Variants in RBFOX1 observed in about 807,000 individuals in gnomAD.
RBFOX1 encodes the protein RNA binding protein fox-1 homolog 1.
Under a neutral mutation model 57.7 loss-of-function variants are expected in RBFOX1, and 8 were observed. The ratio of observed to expected loss-of-function variants is 0.14; its 90% CI spans 0.08 to 0.25. RBFOX1 has a LOEUF of 0.25. RBFOX1 is among the 10% of genes least tolerant of loss of function. The pLI is 1.00. For missense variants in RBFOX1, 611 were observed against 548.5 expected (o/e 1.11, Z -1.14); for synonymous variants, 326 against 222.4 (o/e 1.47, Z -4.15).
At chr16:5,570,422 C>T (rs1285749264) in intron 2 of RBFOX1, among the ~76,000 whole-genome samples, 6 of 152,160 alleles carry the variant, frequency 3.9e-5, no homozygotes, top group African/African-American at 1.4e-4. Flanking sequence ...TAGGACCTGA[C>T]AGTCCTTAGA....
At chr16:7,494,539 A>T (rs935374703) in intron 4 of RBFOX1, among the ~76,000 whole-genome samples, 1 of 152,202 alleles carries the variant, frequency 6.6e-6, no homozygotes, top group Non-Finnish European at 1.5e-5. Flanking sequence ...TAACAGCAAT[A>T]ATAGCACAGA....
chr16:7,045,951 C>G (rs1175597596), intron 3 of RBFOX1, among the ~76,000 whole-genome samples: 10 of 152,164 alleles, frequency 6.6e-5, no homozygotes, highest in Non-Finnish European at 4.4e-5. Flanking sequence ...AGCCACCATG[C>G]CCGGCCAAGA....
chr16:6,076,299 C>G (rs1597053238), intron 1 of RBFOX1, among the ~76,000 whole-genome samples: 1 of 144,222 alleles, frequency 6.9e-6, no homozygotes, highest in African/African-American at 2.6e-5. Flanking sequence ...AACTCTGTCT[C>G]AAAAAAAAAA....
At chr16:6,555,187 G>T (rs900348161) in intron 2 of RBFOX1, among the ~76,000 whole-genome samples, 2 of 152,152 alleles carry the variant, frequency 1.3e-5, no homozygotes, top group African/African-American at 4.8e-5. Context: ...AAAATCAGGA[G>T]TCCTAGACCA....
chr16:6,264,416 C>G lies in RBFOX1; in HGVS notation c.-126-52579C>G, dbSNP rs201592427. ...AATAGTCATTGCATTATACTGTTCT[C>G]TTGTTGGAAACCCGTCAAATAGTCT... On this transcript the variant is annotated intron_variant, in intron 1 of 15. Transcript: ENST00000550418. 3.3e-5 allele frequency among the ~76,000 whole-genome samples: 5 copies of G among 152,190 alleles called. No individual in the cohort carries two copies. In the East Asian group the frequency reaches 9.6e-4, roughly 29 times the overall value.
chr16:7,610,118 C>CTTTTGTTTTTTTTT (rs2057156267), intron 10 of RBFOX1, among the ~76,000 whole-genome samples: 1 of 65,622 alleles, frequency 1.5e-5, no homozygotes, highest in African/African-American at 8.0e-5. Flanking sequence ...GCCCGGCCCC[C>CTTTTGTTTTTTTTT]TTTTTTTTTT....
intron 4 of RBFOX1, among the ~76,000 whole-genome samples, chr16:7,427,171 G>A (rs76465169): frequency 1.3e-5 from 2 of 152,132 alleles, no homozygotes; most frequent in Non-Finnish European, 2.9e-5. Context: ...TGTAAATGAC[G>A]AGTTAATGGG....
chr16:6,245,963 T>C lies in RBFOX1; in HGVS notation c.-126-71032T>C, dbSNP rs142083868. Among the ~76,000 whole-genome samples the C allele has an allele frequency of 1.2e-3, 184 of 152,300 alleles. 2 individuals are homozygous for C. The highest frequency in any genetic ancestry group is 3.4e-3 in the Middle Eastern group (1 of 294). ...AAACTATTTCAGTCAAAATATGCAGTTTACTTTTCCCTCTCTTTTTTCTAA... is the reference window on the plus strand; with the variant it reads ...AAACTATTTCAGTCAAAATATGCAGCTTACTTTTCCCTCTCTTTTTTCTAA... On this transcript the variant is annotated intron_variant, in intron 1 of 15. Transcript: ENST00000550418.
chr16:6,307,574 A>G (rs1218745733), intron 1 of RBFOX1, among the ~76,000 whole-genome samples: 1 of 148,678 alleles, frequency 6.7e-6, no homozygotes, highest in East Asian at 1.9e-4. Context: ...TTAATAATAT[A>G]TAATAGAGAA....
intron 1 of RBFOX1, among the ~76,000 whole-genome samples, chr16:6,068,750 G>C (rs934881901): frequency 6.6e-6 from 1 of 152,206 alleles, no homozygotes; most frequent in Admixed American, 6.5e-5. Context: ...CTTACAGGTA[G>C]ACATATAGCT....
chr16:7,454,270 T>A (rs2058027944), intron 4 of RBFOX1, among the ~76,000 whole-genome samples: 1 of 152,066 alleles, frequency 6.6e-6, no homozygotes, highest in Non-Finnish European at 1.5e-5. Context: ...GCCAATGTCT[T>A]CCCAGGAAGT....
intron 2 of RBFOX1, among the ~76,000 whole-genome samples, chr16:6,472,417 A>C (rs1031790720): frequency 1.3e-5 from 2 of 152,088 alleles, no homozygotes; most frequent in Admixed American, 1.3e-4. Context: ...AGCATGTGAG[A>C]TGTTGACCCT....
chr16:6,727,987 C>G (rs567575975), intron 3 of RBFOX1, among the ~76,000 whole-genome samples: 2 of 152,230 alleles, frequency 1.3e-5, no homozygotes, highest in African/African-American at 4.8e-5. Flanking sequence ...TTTAAATTCC[C>G]TATCTGTAAA....
intron 2 of RBFOX1, among the ~76,000 whole-genome samples, chr16:6,473,259 G>A (rs2095218702): frequency 6.6e-6 from 1 of 152,110 alleles, no homozygotes; most frequent in Admixed American, 6.6e-5. Flanking sequence ...GAGGCTTTTT[G>A]TTGGCAGGGT....
intron 1 of RBFOX1, among the ~76,000 whole-genome samples, chr16:5,329,795 C>T (rs551581205): frequency 6.8e-4 from 104 of 152,142 alleles, no homozygotes; most frequent in Non-Finnish European, 9.4e-4. Context: ...GTCAGGAGAT[C>T]GAGACCATCC....
intron 3 of RBFOX1, among the ~76,000 whole-genome samples, chr16:6,999,819 C>G (rs147163505): frequency 1.3e-5 from 2 of 152,036 alleles, no homozygotes; most frequent in Non-Finnish European, 2.9e-5. Flanking sequence ...TGCCTGTAAT[C>G]CCAGTATTTT....
In RBFOX1 at chr16:6,488,581, G is replaced by A. The variant is rs575460522; in HGVS notation, c.-63-166022G>A. 3.4e-3 allele frequency among the ~76,000 whole-genome samples: 513 copies of A among 152,238 alleles called. 3 individuals carry two copies. The highest frequency in any genetic ancestry group is 5.9e-3 in the Non-Finnish European group (400 of 68,010). The stretch of plus-strand genomic sequence containing the variant: ...TTTTTATAATTAGAAAAAGTGATTA[G>A]ACTGCAAATTTTTCTGATTCCAATA... On this transcript the variant is annotated intron_variant, in intron 2 of 15. Coordinates refer to ENST00000550418, the MANE Select transcript of RBFOX1 (RefSeq NM_018723.4).
At chr16:6,370,337 G>A (rs956553808) in intron 2 of RBFOX1, among the ~76,000 whole-genome samples, 23 of 137,638 alleles carry the variant, frequency 1.7e-4, no homozygotes, top group Non-Finnish European at 2.6e-4. Flanking sequence ...TAGCCTGGGC[G>A]ACAGATAGAG....
intron 4 of RBFOX1, among the ~76,000 whole-genome samples, chr16:7,375,972 AG>A (rs1351623303): frequency 6.6e-6 from 1 of 152,240 alleles, no homozygotes; most frequent in African/African-American, 2.4e-5. Context: ...AGCCATTGGT[AG>A]GCCAAACCCC....
Sources: gnomAD v4.1 joint callset for allele counts (sites outside exome capture counted in the v4.1 genomes callset) on GRCh38, gnomAD v4.1.1 for gene constraint, MANE v1.5 for transcripts, NCBI Gene and HGNC (gene_info 2026-07-23, HGNC 2026-07-21) for gene names.